The following RPGRIP1 variants were observed in gnomAD, a reference collection of about 807,000 sequenced individuals.
RPGRIP1 encodes the protein X-linked retinitis pigmentosa GTPase regulator-interacting protein 1.
In RPGRIP1, 128 loss-of-function variants were observed where a neutral mutation model predicts 157.9. The ratio of observed to expected loss-of-function variants is 0.81; its 90% confidence interval spans 0.70 to 0.94. The LOEUF is 0.94. Ranked by LOEUF, RPGRIP1 falls within the 40% of genes least tolerant of loss-of-function variation. The pLI, the probability that RPGRIP1 is intolerant of heterozygous loss-of-function variation, is 0.00. For missense variants in RPGRIP1, 1,486 were observed against 1,545.8 expected (o/e 0.96, Z 0.65); for synonymous variants, 554 against 571.6 (o/e 0.97, Z 0.44).
At chr14:21,335,176 GAATGAAGGTCGGCTGGTACAGTCAGATA>G (rs1884216053) in intron 21 of RPGRIP1, among the ~76,000 whole-genome samples, 2 of 151,762 alleles carry the variant, frequency 1.3e-5, no homozygotes, top group Non-Finnish European at 2.9e-5. Flanking sequence ...TGTTTCGTGT[GAATGAAGGTCGGCTGGTACAGTCAGATA>G]AAAGGATCAT....
chr14:21,294,604 G>A, intron 2 of RPGRIP1, 73 bp from the exon 3 acceptor site: 2 of 1,406,452 alleles, frequency 1.4e-6, no homozygotes, highest in South Asian at 1.2e-5. Flanking sequence ...TGGACAAGAT[G>A]TGATGAGACA....
intron 9 of RPGRIP1, 116 bp from the exon 10 acceptor site, chr14:21,312,317 C>G: frequency 1.5e-6 from 1 of 669,194 alleles, no homozygotes; most frequent in Non-Finnish European, 2.5e-6. Context: ...TTCTCAGACA[C>G]TGGAGATGGT....
intron 20 of RPGRIP1, among the ~76,000 whole-genome samples, chr14:21,331,089 A>G (rs1297384327): frequency 6.6e-6 from 1 of 151,698 alleles, no homozygotes; most frequent in Non-Finnish European, 1.5e-5. Flanking sequence ...TTGTATTTTT[A>G]GTAGAGACAG....
intron 22 of RPGRIP1, among the ~76,000 whole-genome samples, chr14:21,344,119 C>T (rs1885322473): frequency 6.6e-6 from 1 of 151,580 alleles, no homozygotes; most frequent in Non-Finnish European, 1.5e-5. Flanking sequence ...ACACTCATGT[C>T]CCTTTCCTTC....
chr14:21,343,269 T>A, intron 22 of RPGRIP1, 41 bp downstream of exon 22: 2 of 1,480,952 alleles, frequency 1.4e-6, no homozygotes, highest in East Asian at 2.3e-5. Context: ...GGAAGTCTGA[T>A]GAACATTGAG....
chr14:21,329,288 C>T (rs1883463052), intron 19 of RPGRIP1, among the ~76,000 whole-genome samples: 1 of 151,728 alleles, frequency 6.6e-6, no homozygotes, highest in Non-Finnish European at 1.5e-5. Context: ...CACTGCATTC[C>T]AGCCTGGGCG....
intron 21 of RPGRIP1, among the ~76,000 whole-genome samples, chr14:21,341,110 G>A (rs1395573599): frequency 6.6e-6 from 1 of 152,104 alleles, no homozygotes; most frequent in Non-Finnish European, 1.5e-5. Flanking sequence ...CAGTGGCACT[G>A]CAACCTCCAC....
intron 21 of RPGRIP1, among the ~76,000 whole-genome samples, chr14:21,337,106 C>T (rs572407234): frequency 2.0e-5 from 3 of 152,230 alleles, no homozygotes; most frequent in Non-Finnish European, 4.4e-5. Context: ...TTCTGTCACT[C>T]TTCTGCCTGG....
intron 3 of RPGRIP1, among the ~76,000 whole-genome samples, chr14:21,295,125 C>T (rs939654965): frequency 5.9e-5 from 9 of 151,616 alleles, no homozygotes; most frequent in East Asian, 1.9e-4. Context: ...TTTACAGATG[C>T]GAGCCACTCT....
At chr14:21,339,147 T>C (rs1884716053) in intron 21 of RPGRIP1, among the ~76,000 whole-genome samples, 2 of 148,980 alleles carry the variant, frequency 1.3e-5, no homozygotes, top group Non-Finnish European at 3.0e-5. Context: ...AAAAATTGTT[T>C]TGTTTTGTTT....
chr14:21,340,610 G>A (rs774867576), intron 21 of RPGRIP1, among the ~76,000 whole-genome samples: 7 of 152,024 alleles, frequency 4.6e-5, no homozygotes, highest in East Asian at 1.9e-4. Flanking sequence ...AGCCGACGTC[G>A]CACCGTTGCA....
At chr14:21,307,520 T>A (rs1486294481) in intron 6 of RPGRIP1, among the ~76,000 whole-genome samples, 2 of 152,232 alleles carry the variant, frequency 1.3e-5, no homozygotes, top group East Asian at 3.8e-4. Flanking sequence ...AGGTTAGTGA[T>A]CTCTATCAAA....
At chr14:21,344,800 G>A (rs1421296408) in intron 22 of RPGRIP1, among the ~76,000 whole-genome samples, 1 of 152,110 alleles carries the variant, frequency 6.6e-6, no homozygotes, top group East Asian at 1.9e-4. Flanking sequence ...ACAAAAATTA[G>A]CCGGGCATGG....
intron 1 of RPGRIP1, among the ~76,000 whole-genome samples, chr14:21,282,751 A>G (rs557245393): frequency 6.6e-6 from 1 of 151,866 alleles, no homozygotes; most frequent in Non-Finnish European, 1.5e-5. Context: ...CTGGGACTAC[A>G]GGCGCGTGCC....
chr14:21,326,290 A>G (rs1883098347), intron 17 of RPGRIP1, 117 bp downstream of exon 17: 1 of 665,434 alleles, frequency 1.5e-6, no homozygotes, highest in Non-Finnish European at 2.5e-6. Context: ...CCTGAAGATA[A>G]AGGATTTAGA....
At chr14:21,320,266 C>T in intron 12 of RPGRIP1, 89 bp downstream of exon 12, 1 of 1,204,810 alleles carries the variant, frequency 8.3e-7, no homozygotes, top group Non-Finnish European at 1.2e-6. Flanking sequence ...AGAAAACTAA[C>T]TAAATAATAT....
intron 17 of RPGRIP1, among the ~76,000 whole-genome samples, chr14:21,326,849 C>A (rs542620562): frequency 6.6e-6 from 1 of 152,236 alleles, no homozygotes; most frequent in East Asian, 1.9e-4. Context: ...CACACCAGAT[C>A]ATGACAAACA....
chr14:21,288,034 A>G lies in RPGRIP1; in HGVS notation c.58A>G (p.Ile20Val). The G allele has an allele frequency of 6.2e-7, 1 of 1,613,168 alleles. No individual in the cohort carries two copies. Among genetic ancestry groups the G allele is most frequent in the Non-Finnish European group, 8.5e-7 (1 of 1,179,174 alleles). Residue 20 changes from isoleucine to valine, a missense_variant, in exon 2 of 25, where the codon ATA becomes GTA. Transcript: ENST00000400017. ...CTTGCCAGTTAGAGACATAGATGCT[A>G]TACCTCTGGTGCTACCAGCCTCAAA... is the stretch of plus-strand genomic sequence containing the variant. ...GDLPVRDIDA[I>V]PLVLPASKGK...
chr14:21,312,493 A>C lies in RPGRIP1; in HGVS notation c.1138A>C (p.Lys380Gln). The stretch of plus-strand genomic sequence containing the variant: ...AAAATTGCTGAATGACAATTATGAC[A>C]AACTCTTAGAAAGGTGAGTACCACA... ...ERKLLNDNYD[K>Q]LLESMLDSSD... The change falls in exon 10 of 25, where the codon AAA becomes CAA. Residue 380 changes from lysine (K) to glutamine (Q), a missense_variant. Transcript: ENST00000400017. The C allele has an allele frequency of 6.2e-7, 1 of 1,609,934 alleles. No homozygotes were observed. The highest frequency in any genetic ancestry group is 1.1e-5 in the South Asian group (1 of 90,512).
Sources: allele counts gnomAD v4.1 joint callset (sites outside exome capture counted in the v4.1 genomes callset), GRCh38; gene constraint gnomAD v4.1.1; transcripts MANE v1.5; gene names NCBI Gene and HGNC (gene_info 2026-07-23, HGNC 2026-07-21).